TRPV5: variants seen among roughly 807,000 people sequenced by gnomAD.
The protein encoded by TRPV5 is transient receptor potential cation channel subfamily V member 5, also known as calcium transport protein 2.
A neutral mutation model predicts 74.1 loss-of-function variants in TRPV5; 66 were observed. The ratio of observed to expected loss-of-function variants is 0.89; its 90% confidence interval spans 0.73 to 1.09. The LOEUF (loss-of-function observed/expected upper bound fraction) is 1.09, where lower values mean the gene tolerates loss of function less well. Among genes scored for constraint, TRPV5 ranks in the 50% least tolerant of loss-of-function variants. The pLI is 0.00. For synonymous variants in TRPV5, 399 were observed against 360.7 expected (o/e 1.11, Z -1.20); for missense variants, 936 against 930.4 (o/e 1.01, Z -0.08).
chr7:142,921,394 C>T (rs1176042633), intron 8 of TRPV5, among the ~76,000 whole-genome samples: 1 of 152,160 alleles, frequency 6.6e-6, no homozygotes, highest in Non-Finnish European at 1.5e-5. Flanking sequence ...CGATTCTCCT[C>T]TCTCAGCCTC....
chr7:142,914,823 C>A, intron 11 of TRPV5, 58 bp downstream of exon 11: 1 of 1,610,206 alleles, frequency 6.2e-7, no homozygotes, highest in Non-Finnish European at 8.5e-7. Context: ...CTACCTCCAT[C>A]CCTCTGTCTG....
rs763627269 is a variant in TRPV5 at position 142,928,129 on chromosome 7, G to C, written c.868C>G (p.Leu290Val). ...LTEIDSWGEELSFLELVVSSD... is the reference protein window; with the variant it reads ...LTEIDSWGEEVSFLELVVSSD... ...GAGACCACAAGCTCCAGGAAGGACA[G>C]CTCCTCTCCCCAGGAGTCGATCTCC... The change falls in exon 7 of 15, where the codon CTG (leucine) becomes GTG (valine). Residue 290 changes from leucine to valine, a missense_variant. Physicochemically the swap from Leu to Val is conservative, Grantham distance 32. Coordinates refer to ENST00000265310, the MANE Select transcript of TRPV5 (RefSeq NM_019841.7). 6.2e-7 allele frequency: 1 copy of C among 1,614,196 alleles called. No homozygotes were observed.
intron 12 of TRPV5, 87 bp from the exon 13 acceptor site, chr7:142,912,837 G>GATCT (rs3840678): frequency 0.43 from 316,725 of 730,610 alleles, 78,047 homozygotes; most frequent in East Asian, 0.49. Flanking sequence ...TTCTATCTCT[G>GATCT]ATCTATCTAT....
At chr7:142,910,435 G>A (rs1193632737) in intron 13 of TRPV5, among the ~76,000 whole-genome samples, 1 of 152,152 alleles carries the variant, frequency 6.6e-6, no homozygotes, top group East Asian at 1.9e-4. Context: ...TCCAAGTAAG[G>A]AAAGGCATAG....
In TRPV5 at chr7:142,914,874, C is replaced by G. The variant is rs762482137; in HGVS notation, c.1452+7G>C. Reference sequence around the variant, plus strand: ...TGAGGCGGAGGAAGCTTCGGGAAAGCACTGACCTTCTGGATCATGATGGTG... The same window carrying G: ...TGAGGCGGAGGAAGCTTCGGGAAAGGACTGACCTTCTGGATCATGATGGTG... On this transcript the variant is annotated splice_region_variant and intron_variant, in intron 11 of 14. Transcript: ENST00000265310. 1.9e-5 allele frequency: 30 copies of G among 1,613,830 alleles called. No individual in the cohort carries two copies. The Admixed American group carries it at 4.2e-4, about 22-fold the overall frequency.
chr7:142,930,154 T>C lies in TRPV5; in HGVS notation c.253A>G (p.Ile85Val). ...TCCAAGTTGTCATAGAGGGCTGCTA[T>C]GTGCAGCGCCGTCTCCCCCAGGGCT... ...RGALGETALHIAALYDNLEAA... is the reference protein window; with the variant it reads ...RGALGETALHVAALYDNLEAA... Residue 85 changes from isoleucine to valine, a missense_variant, in exon 3 of 15, where the codon ATA becomes GTA. Transcript: ENST00000265310. The C allele has an allele frequency of 6.2e-7, 1 of 1,613,798 alleles. No individual in the cohort carries two copies. The highest frequency in any genetic ancestry group is 8.5e-7 in the Non-Finnish European group (1 of 1,179,930).
At chr7:142,926,550 A>C in intron 7 of TRPV5, among the ~76,000 whole-genome samples, 1 of 152,174 alleles carries the variant, frequency 6.6e-6, no homozygotes, top group East Asian at 1.9e-4. Context: ...GTAGGGCAGG[A>C]AGCTGAAGGA....
At position 142,912,855 on chromosome 7, in the gene TRPV5, T is replaced by TCTAC. The variant is rs1335890101; in HGVS notation, c.1520-106_1520-105insGTAG. 3.5e-5 allele frequency: 33 copies of TCTAC among 938,278 alleles called. No individual in the cohort carries two copies. The Middle Eastern group carries it at 9.8e-4, about 28-fold the overall frequency. The allele number at this position is 938,278 out of a possible 1,614,324, so 58.1% of individuals were successfully genotyped here. ...TATCTCTGATCTATCTATCTATCTA[T>TCTAC]CTATCTATCTATCTATCTATCTATC... On this transcript the variant is annotated intron_variant, in intron 12 of 14. Transcript: ENST00000265310.
At chr7:142,915,447 G>C (rs1164012138) in intron 9 of TRPV5, 35 bp downstream of exon 9, 2 of 1,611,924 alleles carry the variant, frequency 1.2e-6, no homozygotes, top group East Asian at 2.2e-5. Context: ...GCCTTAGATG[G>C]GATGGGATTA....
At chr7:142,925,778 C>G (rs994245810) in intron 7 of TRPV5, 37 bp from the exon 8 acceptor site, 2 of 1,583,456 alleles carry the variant, frequency 1.3e-6, no homozygotes, top group African/African-American at 2.7e-5. Flanking sequence ...GGGTGACCAA[C>G]ACAGAAGGAT....
intron 4 of TRPV5, 34 bp from the exon 5 acceptor site, chr7:142,929,154 G>T (rs182391867): frequency 6.2e-7 from 1 of 1,603,790 alleles, no homozygotes; most frequent in Admixed American, 1.7e-5. Flanking sequence ...GCAGGAGAAC[G>T]CAGGATGGCA....
chr7:142,931,267 G>A (rs779367960), intron 1 of TRPV5, among the ~76,000 whole-genome samples: 2 of 151,912 alleles, frequency 1.3e-5, no homozygotes, highest in African/African-American at 4.8e-5. Flanking sequence ...CAGGCAATCC[G>A]CCTGCCTTGG....
chr7:142,929,182 T>C, intron 4 of TRPV5, 62 bp from the exon 5 acceptor site: 2 of 1,578,516 alleles, frequency 1.3e-6, no homozygotes, highest in Non-Finnish European at 1.7e-6. Context: ...GTGGGCAGTC[T>C]CCCCCAAATA....
At chr7:142,919,715 G>T (rs1391667649) in intron 8 of TRPV5, among the ~76,000 whole-genome samples, 1 of 152,172 alleles carries the variant, frequency 6.6e-6, no homozygotes, top group Non-Finnish European at 1.5e-5. Flanking sequence ...AATGAGATTT[G>T]CTCTCACTTC....
chr7:142,908,912 A>G, intron 14 of TRPV5, 104 bp from the exon 15 acceptor site: 2 of 1,176,252 alleles, frequency 1.7e-6, no homozygotes, highest in Non-Finnish European at 2.4e-6. Flanking sequence ...GGAAGCAGAA[A>G]TAAGGCAGCA....
At chr7:142,926,905 T>G (rs983706673) in intron 7 of TRPV5, among the ~76,000 whole-genome samples, 17 of 152,238 alleles carry the variant, frequency 1.1e-4, no homozygotes, top group Admixed American at 7.2e-4. Context: ...TAATCATTCA[T>G]GTTTTCTGGA....
Position 142,908,216 on chromosome 7 carries a change from GA to G in TRPV5, c.*297del. ...TCTAGGGGCTGCGTGGGGCAGAAGAGAAATGGTCCTGACATTAATCTAGCAT... is the reference window on the plus strand; with the variant it reads ...TCTAGGGGCTGCGTGGGGCAGAAGAGAATGGTCCTGACATTAATCTAGCAT... On this transcript the variant is annotated 3_prime_UTR_variant, in exon 15 of 15. Transcript: ENST00000265310. 2 of 475,810 alleles carry G rather than the reference GA, an allele frequency of 4.2e-6. No homozygotes were observed. The highest frequency in any genetic ancestry group is 7.5e-6 in the Non-Finnish European group (2 of 265,608). 29.5% of individuals were successfully genotyped at this position (475,810 alleles called of 1,614,324 possible). A position where few individuals can be genotyped will look rare whatever the true frequency, so the allele number is the denominator to read the frequency against.
intron 8 of TRPV5, among the ~76,000 whole-genome samples, chr7:142,919,639 T>C (rs1586219738): frequency 6.6e-6 from 1 of 152,186 alleles, no homozygotes; most frequent in East Asian, 1.9e-4. Flanking sequence ...GCTTGCAATT[T>C]AATGAGCTTT....
In TRPV5 at chr7:142,908,188, C is replaced by G. The variant is rs553754391; in HGVS notation, c.*326G>C. 313 of 373,948 alleles carry G rather than the reference C, an allele frequency of 8.4e-4. No homozygotes were observed. The highest frequency in any genetic ancestry group is 4.4e-3 in the Middle Eastern group (6 of 1,370). 23.2% of individuals were successfully genotyped at this position (373,948 alleles called of 1,614,324 possible). ...GCCAGAAAAGCCTCACAGCTTACTA[C>G]TTTCTAGGGGCTGCGTGGGGCAGAA... On this transcript the variant is annotated 3_prime_UTR_variant, in exon 15 of 15. Transcript: ENST00000265310.
Sources: gnomAD v4.1 joint callset for allele counts (sites outside exome capture counted in the v4.1 genomes callset) on GRCh38, gnomAD v4.1.1 for gene constraint, MANE v1.5 for transcripts, NCBI Gene and HGNC (gene_info 2026-07-23, HGNC 2026-07-21) for gene names.